XRCC4: variants seen among roughly 807,000 people sequenced by gnomAD.
XRCC4 encodes the protein DNA repair protein XRCC4.
In XRCC4, 28 loss-of-function variants were observed where a neutral mutation model predicts 39.1. That is an observed-to-expected ratio of 0.72 (90% CI 0.53 to 0.98). The LOEUF is 0.98. Ranked by LOEUF, XRCC4 falls within the 50% of genes least tolerant of loss-of-function variation. The pLI is 0.00. For synonymous variants in XRCC4, 123 were observed against 126.4 expected, an observed-to-expected ratio of 0.97 and a Z score of 0.18; for missense variants, 350 against 376.4, an observed-to-expected ratio of 0.93 and a Z score of 0.58.
At chr5:83,306,227 A>C (rs1208038229) in intron 7 of XRCC4, among the ~76,000 whole-genome samples, 1 of 152,196 alleles carries the variant, frequency 6.6e-6, no homozygotes, top group East Asian at 1.9e-4. Context: ...ATATATACAC[A>C]CACACAAACA....
At chr5:83,322,501 C>T (rs1167561457) in intron 7 of XRCC4, among the ~76,000 whole-genome samples, 1 of 152,158 alleles carries the variant, frequency 6.6e-6, no homozygotes, top group African/African-American at 2.4e-5. Context: ...TCCATCTCCC[C>T]CAACCGCCGC....
At chr5:83,240,372 G>A (rs1752859943) in intron 6 of XRCC4, among the ~76,000 whole-genome samples, 1 of 152,062 alleles carries the variant, frequency 6.6e-6, no homozygotes, top group South Asian at 2.1e-4. Flanking sequence ...AAGACACAAG[G>A]GGTATTGGAT....
At chr5:83,337,822 T>C (rs566912607) in intron 7 of XRCC4, among the ~76,000 whole-genome samples, 1 of 152,186 alleles carries the variant, frequency 6.6e-6, no homozygotes, top group Admixed American at 6.6e-5. Flanking sequence ...TATGAGTGAA[T>C]AGGAGATAAG....
chr5:83,348,739 G>A (rs181482995), intron 7 of XRCC4, among the ~76,000 whole-genome samples: 15 of 152,288 alleles, frequency 9.8e-5, no homozygotes, highest in African/African-American at 3.1e-4. Flanking sequence ...CAGAAAATGG[G>A]TTTTTCTTTT....
intron 7 of XRCC4, among the ~76,000 whole-genome samples, chr5:83,295,149 G>C (rs912463743): frequency 2.0e-5 from 3 of 151,914 alleles, no homozygotes; most frequent in Admixed American, 6.6e-5. Flanking sequence ...ATATACTAAT[G>C]TGCATCATGA....
the XRCC4 span, among the ~76,000 whole-genome samples, chr5:83,366,487 T>G: frequency 6.6e-6 from 1 of 152,204 alleles, no homozygotes; most frequent in African/African-American, 2.4e-5. Flanking sequence ...GCATCCCAAC[T>G]AGTCACCCTA....
At chr5:83,159,442 A>G (rs1430065753) in intron 3 of XRCC4, among the ~76,000 whole-genome samples, 1 of 152,186 alleles carries the variant, frequency 6.6e-6, no homozygotes, top group African/African-American at 2.4e-5. Context: ...TGAGTGAAAC[A>G]GATAGGCATA....
chr5:83,117,582 T>C (rs1347785958), intron 3 of XRCC4, among the ~76,000 whole-genome samples: 2 of 151,968 alleles, frequency 1.3e-5, no homozygotes, highest in African/African-American at 4.8e-5. Context: ...TTTAAGTGAT[T>C]TCTTAGATTA....
chr5:83,342,742 T>C (rs1047243914), intron 7 of XRCC4, among the ~76,000 whole-genome samples: 1 of 152,184 alleles, frequency 6.6e-6, no homozygotes, highest in Non-Finnish European at 1.5e-5. Flanking sequence ...GTTTTGGTTT[T>C]TATAAGGTCA....
intron 3 of XRCC4, among the ~76,000 whole-genome samples, chr5:83,140,457 A>T (rs1561357100): frequency 6.6e-6 from 1 of 152,158 alleles, no homozygotes; most frequent in East Asian, 1.9e-4. Flanking sequence ...TTCTAGCCGC[A>T]CTGGCAGCCC....
intron 1 of XRCC4, among the ~76,000 whole-genome samples, chr5:83,103,025 T>TATATATACATAC (rs943955057): frequency 7.0e-6 from 1 of 142,660 alleles, no homozygotes; most frequent in African/African-American, 2.8e-5. Context: ...TATATATATA[T>TATATATACATAC]ATATATGTCA....
intron 6 of XRCC4, among the ~76,000 whole-genome samples, chr5:83,249,407 A>G (rs1753228485): frequency 6.6e-6 from 1 of 152,142 alleles, no homozygotes; most frequent in Non-Finnish European, 1.5e-5. Flanking sequence ...ATCATTTCAC[A>G]GTTTTCAAGG....
rs182498105 is a variant in XRCC4, at chr5:83,290,277, T to A, written c.893+31600T>A. The stretch of plus-strand genomic sequence containing the variant: ...TTGAATATCTCCTTCATATAATAAA[T>A]TTATTTAATCCATAAATAAATGGAA... On this transcript the variant is annotated intron_variant, in intron 7 of 7. Transcript: ENST00000396027. Among the ~76,000 whole-genome samples, 92 of 151,900 alleles carry A rather than the reference T, an allele frequency of 6.1e-4. No individual in the cohort carries two copies. In the East Asian group the frequency reaches 0.016, roughly 27 times the overall value.
At chr5:83,093,660 T>A (rs1745535638) in intron 1 of XRCC4, among the ~76,000 whole-genome samples, 1 of 152,198 alleles carries the variant, frequency 6.6e-6, no homozygotes, top group Admixed American at 6.5e-5. Flanking sequence ...GGGAAGAATT[T>A]CAGAAAATTC....
chr5:83,250,855 A>G (rs1000408184), intron 6 of XRCC4, among the ~76,000 whole-genome samples: 3 of 152,236 alleles, frequency 2.0e-5, no homozygotes, highest in Admixed American at 1.3e-4. Flanking sequence ...GATATTTGAC[A>G]ATGGAAAAGA....
chr5:83,146,224 A>G (rs1325344024), intron 3 of XRCC4, among the ~76,000 whole-genome samples: 1 of 152,212 alleles, frequency 6.6e-6, no homozygotes, highest in Non-Finnish European at 1.5e-5. Flanking sequence ...GAAAGTAAGC[A>G]AAGGGCCAGT....
chr5:83,199,387 T>G (rs1350244200), intron 4 of XRCC4, among the ~76,000 whole-genome samples: 1 of 152,168 alleles, frequency 6.6e-6, no homozygotes, highest in Non-Finnish European at 1.5e-5. Flanking sequence ...ACTTAAAGCC[T>G]TATTAAATCT....
At chr5:83,233,214 T>C (rs1265701655) in intron 6 of XRCC4, among the ~76,000 whole-genome samples, 1 of 152,166 alleles carries the variant, frequency 6.6e-6, no homozygotes, top group African/African-American at 2.4e-5. Context: ...TAAAGAAACT[T>C]TCATAGTTTA....
At chr5:83,245,734 A>T (rs2112859225) in intron 6 of XRCC4, among the ~76,000 whole-genome samples, 1 of 152,204 alleles carries the variant, frequency 6.6e-6, no homozygotes, top group South Asian at 2.1e-4. Flanking sequence ...ACATTTGAAA[A>T]TATCTTATTT....
Sources: gnomAD v4.1 joint callset for allele counts (sites outside exome capture counted in the v4.1 genomes callset) on GRCh38, gnomAD v4.1.1 for gene constraint, MANE v1.5 for transcripts, NCBI Gene and HGNC (gene_info 2026-07-23, HGNC 2026-07-21) for gene names.